The following CTNNA3 variants were observed in gnomAD, a reference collection of about 807,000 sequenced individuals.
The protein encoded by CTNNA3 is catenin alpha 3, also known as catenin alpha-3.
CTNNA3 carries 76 observed loss-of-function variants against 95.7 expected under a neutral mutation model. The observed-to-expected ratio is 0.79, with a 90% CI of 0.66 to 0.96. The LOEUF (loss-of-function observed/expected upper bound fraction) is 0.96, where lower values mean the gene tolerates loss of function less well. Among genes scored for constraint, CTNNA3 ranks in the 40% least tolerant of loss-of-function variants. The probability of loss-of-function intolerance (pLI) is 0.00; values close to 1 mark genes in which losing one functional copy is unlikely to be tolerated. For synonymous variants in CTNNA3, 431 were observed against 374.4 expected (o/e 1.15, Z -1.74); for missense variants, 1,191 against 1,089.8 (o/e 1.09, Z -1.31).
chr10:67,060,386 G>A (rs1468147052), intron 7 of CTNNA3, among the ~76,000 whole-genome samples: 2 of 152,088 alleles, frequency 1.3e-5, no homozygotes, highest in Non-Finnish European at 2.9e-5. Flanking sequence ...GAAGACAAGC[G>A]TATATGAAAG....
At chr10:67,667,997 A>T (rs1840361430) in intron 1 of CTNNA3, among the ~76,000 whole-genome samples, 1 of 152,162 alleles carries the variant, frequency 6.6e-6, no homozygotes, top group Non-Finnish European at 1.5e-5. Context: ...TGGAATATGT[A>T]TATAAATAAT....
At chr10:67,726,419 T>TA (rs1564841114) in intron 1 of CTNNA3, among the ~76,000 whole-genome samples, 74 of 49,896 alleles carry the variant, frequency 1.5e-3, no homozygotes, top group African/African-American at 4.6e-3. Flanking sequence ...ATATATAATA[T>TA]TATATATTAT....
intron 16 of CTNNA3, among the ~76,000 whole-genome samples, chr10:65,986,852 T>TAAA (rs199892450): frequency 1.4e-5 from 2 of 144,338 alleles, no homozygotes; most frequent in Non-Finnish European, 3.1e-5. Flanking sequence ...GTACTGGCAT[T>TAAA]AAAAAAAAAA....
intron 5 of CTNNA3, among the ~76,000 whole-genome samples, chr10:67,476,841 CCTCCTGTGCAGAGTTTCAGGT>C: frequency 6.6e-6 from 1 of 151,928 alleles, no homozygotes; most frequent in Non-Finnish European, 1.5e-5. Context: ...GCCACCCCAC[CCTCCTGTGCAGAGTTTCAGGT>C]ACAGGGGAGC....
At chr10:67,106,059 C>T (rs1335261972) in intron 7 of CTNNA3, among the ~76,000 whole-genome samples, 1 of 152,210 alleles carries the variant, frequency 6.6e-6, no homozygotes, top group East Asian at 1.9e-4. Flanking sequence ...ATCCTTGTTA[C>T]ACTTCATCAT....
intron 3 of CTNNA3, among the ~76,000 whole-genome samples, chr10:67,601,276 T>G (rs1843075149): frequency 6.6e-6 from 1 of 152,094 alleles, no homozygotes; most frequent in Non-Finnish European, 1.5e-5. Context: ...TTTCCACAGA[T>G]GGTGGATGGG....
At chr10:67,219,217 A>C (rs542661473) in intron 6 of CTNNA3, among the ~76,000 whole-genome samples, 1 of 152,250 alleles carries the variant, frequency 6.6e-6, no homozygotes, top group South Asian at 2.1e-4. Context: ...GCCTATAATC[A>C]CCTGCTAAAA....
intron 13 of CTNNA3, among the ~76,000 whole-genome samples, chr10:66,124,785 CTCA>C (rs1249249057): frequency 2.0e-5 from 3 of 152,124 alleles, no homozygotes; most frequent in Non-Finnish European, 4.4e-5. Context: ...ACCATCAGAT[CTCA>C]TGAGACTCAT....
chr10:66,434,718 G>A (rs527955839), intron 11 of CTNNA3, among the ~76,000 whole-genome samples: 8 of 152,090 alleles, frequency 5.3e-5, no homozygotes, highest in Non-Finnish European at 1.2e-4. Context: ...ATCCTTGCCT[G>A]TGCTGGTTTT....
chr10:66,573,053 G>A (rs1436030069), intron 10 of CTNNA3, among the ~76,000 whole-genome samples: 7 of 152,138 alleles, frequency 4.6e-5, no homozygotes, highest in Non-Finnish European at 7.3e-5. Context: ...TCCCTAGGTA[G>A]AGTAATGGAA....
intron 6 of CTNNA3, among the ~76,000 whole-genome samples, chr10:67,188,405 G>A (rs1279493145): frequency 6.6e-6 from 1 of 152,164 alleles, no homozygotes; most frequent in Non-Finnish European, 1.5e-5. Flanking sequence ...TGAGGTAGGA[G>A]GATCATTTGA....
At chr10:66,180,919 T>C (rs2086007417) in intron 13 of CTNNA3, among the ~76,000 whole-genome samples, 1 of 152,084 alleles carries the variant, frequency 6.6e-6, no homozygotes, top group Admixed American at 6.6e-5. Flanking sequence ...AGGTCTGCCA[T>C]CTAGTGGCCA....
chr10:67,466,037 T>G (rs543309345), intron 5 of CTNNA3, among the ~76,000 whole-genome samples: 3 of 152,244 alleles, frequency 2.0e-5, no homozygotes, highest in African/African-American at 7.2e-5. Flanking sequence ...TCTAAAATTC[T>G]ATATATGCTT....
At chr10:66,971,310 C>A (rs1017729345) in intron 7 of CTNNA3, among the ~76,000 whole-genome samples, 4 of 152,032 alleles carry the variant, frequency 2.6e-5, no homozygotes, top group Non-Finnish European at 2.9e-5. Flanking sequence ...CCTGTAATTC[C>A]AGCTACTCAG....
intron 3 of CTNNA3, among the ~76,000 whole-genome samples, chr10:67,598,970 T>C (rs1843002944): frequency 6.6e-6 from 1 of 152,080 alleles, no homozygotes; most frequent in African/African-American, 2.4e-5. Context: ...AAAATAAAAA[T>C]CTGTGCTGTG....
chr10:67,662,600 T>C (rs987766007), intron 1 of CTNNA3, among the ~76,000 whole-genome samples: 2 of 152,194 alleles, frequency 1.3e-5, no homozygotes, highest in African/African-American at 4.8e-5. Context: ...GAATCAGACA[T>C]AAATAAGTAC....
intron 13 of CTNNA3, among the ~76,000 whole-genome samples, chr10:66,174,054 T>A (rs561233063): frequency 6.6e-6 from 1 of 152,248 alleles, no homozygotes; most frequent in African/African-American, 2.4e-5. Context: ...ATACATTACT[T>A]CATTTAGTAC....
At chr10:67,110,549 G>C (rs1858868695) in intron 7 of CTNNA3, among the ~76,000 whole-genome samples, 1 of 152,112 alleles carries the variant, frequency 6.6e-6, no homozygotes. Context: ...TCCATCTGCT[G>C]ATTGAAAATT....
At chr10:67,737,123 C>T (rs919699693) in intron 1 of CTNNA3, among the ~76,000 whole-genome samples, 10 of 152,020 alleles carry the variant, frequency 6.6e-5, no homozygotes, top group South Asian at 6.2e-4. Flanking sequence ...ACCACCACAC[C>T]GGGCTAATTT....
Sources: allele counts gnomAD v4.1 joint callset (sites outside exome capture counted in the v4.1 genomes callset), GRCh38; gene constraint gnomAD v4.1.1; transcripts MANE v1.5; gene names NCBI Gene and HGNC (gene_info 2026-07-23, HGNC 2026-07-21).